POLR1A: variants seen among roughly 807,000 people sequenced by gnomAD.
POLR1A encodes RNA polymerase I subunit A, also known as DNA-directed RNA polymerase I subunit RPA1.
POLR1A carries 84 observed loss-of-function variants against 205.3 expected under a neutral mutation model. The ratio of observed to expected loss-of-function variants is 0.41; its 90% CI spans 0.34 to 0.49. The LOEUF (loss-of-function observed/expected upper bound fraction) is 0.49. Among genes scored for constraint, POLR1A ranks in the 20% least tolerant of loss-of-function variants. The probability of loss-of-function intolerance (pLI) is 0.22; values close to 1 mark genes in which losing one functional copy is unlikely to be tolerated. For synonymous variants in POLR1A, 799 were observed against 863.7 expected, an observed-to-expected ratio of 0.93 and a Z score of 1.31; for missense variants, 1,645 against 2,204.5, an observed-to-expected ratio of 0.75 and a Z score of 5.08.
In POLR1A at chr2:86,052,827, G is replaced by A. The variant is rs1672828117; in HGVS notation, c.2382C>T (p.Gly794=). The A allele has an allele frequency of 6.4e-7, 1 of 1,553,508 alleles. No individual in the cohort carries two copies. Among genetic ancestry groups the A allele is most frequent in the Non-Finnish European group, 8.7e-7 (1 of 1,148,772 alleles). Residue 794 remains glycine (G), a synonymous_variant, in exon 16 of 34, where the codon GGC becomes GGT. Coordinates refer to ENST00000263857, the MANE Select transcript of POLR1A (RefSeq NM_015425.6). ...LFTAYLQLYR[G]FTLGVEDILV... The stretch of plus-strand genomic sequence containing the variant: ...GAGCCCGGCACTTACCCAAGGTGAA[G>A]CCTCTGTAGAGCTGCAGGTAGGCGG...
Position 86,038,823 on chromosome 2 carries a change from CAGA to C in POLR1A, c.3908_3910del (p.Phe1303del), listed in dbSNP as rs1418182762. On this transcript the variant is annotated inframe_deletion, in exon 27 of 34. Coordinates refer to ENST00000263857, the MANE Select transcript of POLR1A (RefSeq NM_015425.6). Reference sequence around the variant, plus strand: ...GAATTTGTTCTGTTTTTCTTCCATACAGAAGGACTCCTGGACGTCAATTTTCTG... The same window carrying C: ...GAATTTGTTCTGTTTTTCTTCCATACAGGACTCCTGGACGTCAATTTTCTG... 6.2e-7 allele frequency: 1 copy of C among 1,614,166 alleles called. No homozygotes were observed. Among genetic ancestry groups the C allele is most frequent in the Non-Finnish European group, 8.5e-7 (1 of 1,180,004 alleles).
At chr2:86,085,493 G>A (rs1342046196) in intron 6 of POLR1A, among the ~76,000 whole-genome samples, 1 of 152,194 alleles carries the variant, frequency 6.6e-6, no homozygotes, top group Non-Finnish European at 1.5e-5. Context: ...TATGTTCAGT[G>A]GGAGAAAACA....
At chr2:86,052,694 T>C (rs1442609031) in intron 16 of POLR1A, 123 bp downstream of exon 16, 2 of 755,510 alleles carry the variant, frequency 2.6e-6, no homozygotes, top group Non-Finnish European at 4.1e-6. Flanking sequence ...ACTTCTCCAC[T>C]GGGAACACAC....
chr2:86,034,646 A>C (rs1053339706), intron 27 of POLR1A, among the ~76,000 whole-genome samples: 16 of 152,090 alleles, frequency 1.1e-4, no homozygotes, highest in Non-Finnish European at 1.5e-5. Flanking sequence ...TGTGACTGTG[A>C]GAATCGGGTC....
intron 22 of POLR1A, 137 bp from the exon 23 acceptor site, chr2:86,043,332 G>A (rs1046626858): frequency 1.5e-6 from 1 of 683,616 alleles, no homozygotes; most frequent in African/African-American, 1.8e-5. Flanking sequence ...ATGGGGCCGA[G>A]CACCACTCTC....
At chr2:86,062,424 T>A (rs536780453) in intron 14 of POLR1A, among the ~76,000 whole-genome samples, 1 of 152,222 alleles carries the variant, frequency 6.6e-6, no homozygotes, top group Non-Finnish European at 1.5e-5. Flanking sequence ...CCTCAATATT[T>A]GTACTTCTAA....
chr2:86,027,818 A>C, intron 33 of POLR1A, 67 bp downstream of exon 33: 1 of 1,551,324 alleles, frequency 6.4e-7, no homozygotes, highest in Non-Finnish European at 8.9e-7. Context: ...AAAGATGCCC[A>C]TGGGTGAGCC....
chr2:86,099,774 T>C (rs1673779925), intron 2 of POLR1A, among the ~76,000 whole-genome samples, 194 bp downstream of exon 2: 1 of 152,188 alleles, frequency 6.6e-6, no homozygotes, highest in Non-Finnish European at 1.5e-5. Flanking sequence ...ATCAAACTGA[T>C]ATTCATTTAT....
chr2:86,058,903 G>T (rs1672948355), intron 14 of POLR1A, among the ~76,000 whole-genome samples: 1 of 152,140 alleles, frequency 6.6e-6, no homozygotes, highest in South Asian at 2.1e-4. Flanking sequence ...GATCACTTGA[G>T]GCCAGGGGTT....
At position 86,105,631 on chromosome 2, in the gene POLR1A, C is replaced by T. The variant is rs1473004093; in HGVS notation, c.77+69G>A. 6 of 1,053,834 alleles carry T rather than the reference C, an allele frequency of 5.7e-6. No homozygotes were observed. The East Asian group carries it at 1.2e-4, about 21-fold the overall frequency. The allele number at this position is 1,053,834 out of a possible 1,614,324, so 65.3% of individuals were successfully genotyped here. ...GAGGATAGACTGGGCAAAAGCGCTTCTGGGAATCGTAGTTTAGGGCGCCGA... is the reference window on the plus strand; with the variant it reads ...GAGGATAGACTGGGCAAAAGCGCTTTTGGGAATCGTAGTTTAGGGCGCCGA... On this transcript the variant is annotated intron_variant, in intron 1 of 33. Coordinates refer to ENST00000263857, the MANE Select transcript of POLR1A (RefSeq NM_015425.6).
intron 6 of POLR1A, among the ~76,000 whole-genome samples, chr2:86,085,225 C>T (rs991468253): frequency 1.2e-4 from 19 of 152,054 alleles, no homozygotes; most frequent in African/African-American, 3.9e-4. Flanking sequence ...CCTCCCAAAG[C>T]GCTGGGATTA....
intron 9 of POLR1A, among the ~76,000 whole-genome samples, chr2:86,080,340 A>G (rs1474783282): frequency 2.6e-5 from 4 of 152,150 alleles, no homozygotes; most frequent in African/African-American, 9.7e-5. Context: ...CCACTCTGCA[A>G]TACTGCCTTC....
At chr2:86,084,220 T>C (rs533822960) in intron 6 of POLR1A, among the ~76,000 whole-genome samples, 116 of 152,106 alleles carry the variant, frequency 7.6e-4, no homozygotes, top group Non-Finnish European at 9.9e-4. Flanking sequence ...GAGCGGAGAT[T>C]GTGCCACTGC....
chr2:86,086,225 ATTTT>A (rs879587687), intron 6 of POLR1A, among the ~76,000 whole-genome samples: 1 of 145,894 alleles, frequency 6.9e-6, no homozygotes, highest in African/African-American at 2.5e-5. Flanking sequence ...CACCCGGCTA[ATTTT>A]TTTTTTTTTT....
chr2:86,081,502 C>G lies in POLR1A; in HGVS notation c.923+99G>C, dbSNP rs1412001198. On this transcript the variant is annotated intron_variant, in intron 8 of 33. Transcript: ENST00000263857. ...ACCTGGAGCGGAACTGCAGCTTTGTCTCTCAGTGCCCTTGGCCCTTTCACC... is the reference window on the plus strand; with the variant it reads ...ACCTGGAGCGGAACTGCAGCTTTGTGTCTCAGTGCCCTTGGCCCTTTCACC... 5.7e-6 allele frequency: 4 copies of G among 703,360 alleles called. No individual in the cohort carries two copies. The African/African-American group carries it at 7.2e-5, about 13-fold the overall frequency. 43.6% of individuals were successfully genotyped at this position (703,360 alleles called of 1,614,324 possible).
At chr2:86,085,376 G>A (rs1050756115) in intron 6 of POLR1A, among the ~76,000 whole-genome samples, 3 of 152,178 alleles carry the variant, frequency 2.0e-5, no homozygotes, top group African/African-American at 4.8e-5. Context: ...TTTTGATGTC[G>A]ATAAAAGCAG....
chr2:86,021,716 G>A lies in POLR1A; in HGVS notation c.*5707C>T, dbSNP rs1690141456. ...GCCCACATAGCTTGTGCATCTTAGG[G>A]TGCCTGGGACACAGTGGAGATCAAG... On this transcript the variant is annotated 3_prime_UTR_variant, in exon 34 of 34. Coordinates refer to ENST00000263857, the MANE Select transcript of POLR1A (RefSeq NM_015425.6). The A allele has an allele frequency of 6.6e-6, 1 of 152,296 alleles. No homozygotes were observed. Among genetic ancestry groups the A allele is most frequent in the Admixed American group, 6.5e-5 (1 of 15,268 alleles). 9.4% of individuals were successfully genotyped at this position (152,296 alleles called of 1,614,324 possible).
At chr2:86,053,825 A>T (rs1340018290) in intron 15 of POLR1A, among the ~76,000 whole-genome samples, 2 of 152,162 alleles carry the variant, frequency 1.3e-5, no homozygotes, top group Non-Finnish European at 2.9e-5. Context: ...TACCAGTTTG[A>T]TTATCTGAAG....
chr2:86,091,765 G>A (rs541439215), intron 3 of POLR1A, among the ~76,000 whole-genome samples: 8 of 152,000 alleles, frequency 5.3e-5, no homozygotes, highest in Non-Finnish European at 7.4e-5. Context: ...TCTGTCTTTC[G>A]GACAAATTTG....
Sources: gnomAD v4.1 joint callset for allele counts (sites outside exome capture counted in the v4.1 genomes callset) on GRCh38, gnomAD v4.1.1 for gene constraint, MANE v1.5 for transcripts, NCBI Gene and HGNC (gene_info 2026-07-23, HGNC 2026-07-21) for gene names.